The following SLX4IP variants were observed in gnomAD, a reference collection of about 807,000 sequenced individuals.
The protein encoded by SLX4IP is protein SLX4IP.
A neutral mutation model predicts 32.9 loss-of-function variants in SLX4IP; 34 were observed. The ratio of observed to expected loss-of-function variants is 1.03; its 90% CI spans 0.79 to 1.38. The LOEUF (loss-of-function observed/expected upper bound fraction) is 1.38. SLX4IP is among the 40% of genes most tolerant of loss of function. The pLI is 0.00. For synonymous variants in SLX4IP, 172 were observed against 171.7 expected, an observed-to-expected ratio of 1.00 and a Z score of -0.01; for missense variants, 444 against 479.0, an observed-to-expected ratio of 0.93 and a Z score of 0.68.
intron 6 of SLX4IP, among the ~76,000 whole-genome samples, chr20:10,609,692 G>A (rs958734492): frequency 3.3e-5 from 5 of 152,122 alleles, no homozygotes; most frequent in African/African-American, 9.7e-5. Flanking sequence ...GAGATGTTAG[G>A]AAAGACATTA....
At chr20:10,459,204 C>T (rs763784453) in intron 2 of SLX4IP, among the ~76,000 whole-genome samples, 12 of 151,828 alleles carry the variant, frequency 7.9e-5, no homozygotes, top group Non-Finnish European at 1.0e-4. Flanking sequence ...TTTTTAATGG[C>T]GTCATTTGTT....
chr20:10,501,509 C>A (rs2065718283), intron 2 of SLX4IP, among the ~76,000 whole-genome samples: 1 of 152,212 alleles, frequency 6.6e-6, no homozygotes, highest in Non-Finnish European at 1.5e-5. Flanking sequence ...GCTCAGCCCC[C>A]ACAGCAATCT....
At chr20:10,439,710 T>C (rs1327051077) in intron 1 of SLX4IP, among the ~76,000 whole-genome samples, 1 of 152,222 alleles carries the variant, frequency 6.6e-6, no homozygotes. Flanking sequence ...GGATTGTTAG[T>C]TCTTGACATG....
chr20:10,479,138 G>C (rs1329584082), intron 2 of SLX4IP, among the ~76,000 whole-genome samples: 1 of 152,152 alleles, frequency 6.6e-6, no homozygotes, highest in African/African-American at 2.4e-5. Flanking sequence ...CCACCTAGAG[G>C]CAAGTAGTGA....
In SLX4IP at chr20:10,627,382, C is replaced by T. The variant is rs2067185045; in HGVS notation, c.*4003C>T. 1 of 152,136 alleles carries T rather than the reference C, an allele frequency of 6.6e-6. No homozygotes were observed. The highest frequency in any genetic ancestry group is 2.1e-4 in the South Asian group (1 of 4,828). The allele number at this position is 152,136 out of a possible 1,614,324, so 9.4% of individuals were successfully genotyped here. ...TTTATCTTAAATAGTTAAAAGCCTT[C>T]CTTAGTACAAAATAAATTAAGCATT... is the stretch of plus-strand genomic sequence containing the variant. On this transcript the variant is annotated 3_prime_UTR_variant, in exon 8 of 8. Transcript: ENST00000334534.
chr20:10,614,910 A>G (rs531018265), intron 6 of SLX4IP, among the ~76,000 whole-genome samples: 3 of 152,206 alleles, frequency 2.0e-5, no homozygotes, highest in Admixed American at 1.3e-4. Flanking sequence ...CAAGTCAGAA[A>G]TAATGTAATC....
intron 2 of SLX4IP, among the ~76,000 whole-genome samples, chr20:10,510,215 G>C (rs909756502): frequency 6.6e-6 from 1 of 152,224 alleles, no homozygotes; most frequent in African/African-American, 2.4e-5. Context: ...CACTCTTCTT[G>C]ATTGGTGAAG....
chr20:10,510,685 A>G (rs1026449275), intron 2 of SLX4IP, among the ~76,000 whole-genome samples: 15 of 151,240 alleles, frequency 9.9e-5, no homozygotes, highest in Non-Finnish European at 1.5e-4. Context: ...GCTCACTGCA[A>G]CCTCCACCTC....
At chr20:10,567,491 A>T (rs1157032029) in intron 4 of SLX4IP, among the ~76,000 whole-genome samples, 1 of 152,024 alleles carries the variant, frequency 6.6e-6, no homozygotes, top group South Asian at 2.1e-4. Context: ...CAGAGATCAG[A>T]CTCTCGCCAG....
chr20:10,553,690 C>G (rs2066240208), intron 2 of SLX4IP, among the ~76,000 whole-genome samples: 2 of 152,198 alleles, frequency 1.3e-5, no homozygotes, highest in South Asian at 2.1e-4. Flanking sequence ...ACTGAGTACA[C>G]ACTTACTTAC....
chr20:10,461,371 A>G (rs2065336571), intron 2 of SLX4IP, among the ~76,000 whole-genome samples: 1 of 152,260 alleles, frequency 6.6e-6, no homozygotes, highest in African/African-American at 2.4e-5. Flanking sequence ...CAAAGCTTCC[A>G]GATCATGGCA....
chr20:10,488,020 A>G (rs534927560), intron 2 of SLX4IP, among the ~76,000 whole-genome samples: 5 of 152,300 alleles, frequency 3.3e-5, no homozygotes, highest in Admixed American at 6.5e-5. Flanking sequence ...CTGTGGTAGC[A>G]GAGAAATCTT....
chr20:10,499,544 A>G (rs967081628), intron 2 of SLX4IP, among the ~76,000 whole-genome samples: 4 of 152,216 alleles, frequency 2.6e-5, no homozygotes, highest in Non-Finnish European at 4.4e-5. Context: ...AATTTTCATG[A>G]AAATCAATGT....
intron 2 of SLX4IP, among the ~76,000 whole-genome samples, chr20:10,467,542 C>CT (rs2065390194): frequency 6.6e-6 from 1 of 152,142 alleles, no homozygotes; most frequent in Non-Finnish European, 1.5e-5. Flanking sequence ...CTTGTAAGAG[C>CT]TTTATGTTTT....
intron 4 of SLX4IP, among the ~76,000 whole-genome samples, chr20:10,562,210 G>C (rs1215811759): frequency 6.6e-6 from 1 of 152,202 alleles, no homozygotes; most frequent in Admixed American, 6.5e-5. Context: ...CTGTATCCCG[G>C]GTTCTTGCCT....
intron 2 of SLX4IP, among the ~76,000 whole-genome samples, chr20:10,510,061 A>G (rs2065793341): frequency 6.6e-6 from 1 of 152,232 alleles, no homozygotes; most frequent in Non-Finnish European, 1.5e-5. Context: ...TAACAAGGTC[A>G]TTGAAAAAGT....
chr20:10,518,466 T>TG lies in SLX4IP; in HGVS notation c.28-37765_28-37764insG, dbSNP rs2065873485. 6.7e-5 allele frequency among the ~76,000 whole-genome samples: 3 copies of TG among 44,870 alleles called. No homozygotes were observed. The South Asian group carries it at 4.3e-3, about 64-fold the overall frequency. The allele number at this position is 44,870 out of a possible 152,430, so 29.4% of individuals were successfully genotyped here. Reference sequence around the variant, plus strand: ...TCCTTCCTTCCTTCCTTCCTTCCTTTCCTTTCTTTTCCTTTCCTTTCCTTT... The same window carrying TG: ...TCCTTCCTTCCTTCCTTCCTTCCTTTGCCTTTCTTTTCCTTTCCTTTCCTTT... On this transcript the variant is annotated intron_variant, in intron 2 of 7. Transcript: ENST00000334534.
At chr20:10,555,480 T>C (rs1401151301) in intron 2 of SLX4IP, among the ~76,000 whole-genome samples, 1 of 152,208 alleles carries the variant, frequency 6.6e-6, no homozygotes, top group African/African-American at 2.4e-5. Flanking sequence ...TTATTAAAAA[T>C]GTAGCTTATC....
chr20:10,623,448 TATAGATGCCGGGATTTTAAAG>T lies in SLX4IP; in HGVS notation c.*70_*90del. The T allele has an allele frequency of 6.6e-7, 1 of 1,521,572 alleles. No homozygotes were observed. 94.3% of individuals were successfully genotyped at this position (1,521,572 alleles called of 1,614,324 possible). A position where few individuals can be genotyped will look rare whatever the true frequency, so the allele number is the denominator to read the frequency against. On this transcript the variant is annotated 3_prime_UTR_variant, in exon 8 of 8. Transcript: ENST00000334534. ...AAACCTGTGACAAGAGAGCTGCGAA[TATAGATGCCGGGATTTTAAAG>T]GAATTAATTAGAATGACTAATTTAA...
Sources: allele counts gnomAD v4.1 joint callset (sites outside exome capture counted in the v4.1 genomes callset), GRCh38; gene constraint gnomAD v4.1.1; transcripts MANE v1.5; gene names NCBI Gene and HGNC (gene_info 2026-07-23, HGNC 2026-07-21).